GYG1: variants seen among roughly 807,000 people sequenced by gnomAD.
GYG1 encodes the protein glycogenin-1.
In GYG1, 44 loss-of-function variants were observed where a neutral mutation model predicts 41.9. That is an observed-to-expected ratio of 1.05 (90% CI 0.83 to 1.35). The LOEUF is 1.35. GYG1 is among the 40% of genes most tolerant of loss of function. GYG1 has a pLI of 0.00. For missense variants in GYG1, 429 were observed against 418.9 expected (o/e 1.02, Z -0.21); for synonymous variants, 141 against 158.1 (o/e 0.89, Z 0.81).
intron 4 of GYG1, among the ~76,000 whole-genome samples, chr3:148,998,269 C>G (rs1321446172): frequency 1.3e-5 from 2 of 152,156 alleles, no homozygotes; most frequent in Non-Finnish European, 2.9e-5. Flanking sequence ...TTTTATTTCA[C>G]TATTTAGCTT....
chr3:149,018,254 G>C (rs1714181329), intron 5 of GYG1, among the ~76,000 whole-genome samples: 1 of 152,116 alleles, frequency 6.6e-6, no homozygotes, highest in Non-Finnish European at 1.5e-5. Flanking sequence ...TATGAAAACA[G>C]ACTAGTGTTC....
intron 2 of GYG1, among the ~76,000 whole-genome samples, chr3:148,996,029 C>G (rs1245964644): frequency 2.0e-5 from 3 of 152,156 alleles, no homozygotes; most frequent in Non-Finnish European, 2.9e-5. Context: ...ATACAAAAAC[C>G]CAGAAAATGT....
intron 4 of GYG1, among the ~76,000 whole-genome samples, chr3:149,001,953 T>G (rs1007335856): frequency 4.6e-5 from 7 of 152,214 alleles, no homozygotes; most frequent in Non-Finnish European, 1.0e-4. Context: ...TTCCTCATTT[T>G]ACAAATGAAG....
At chr3:149,020,912 A>G (rs760737790) in intron 5 of GYG1, among the ~76,000 whole-genome samples, 6 of 151,768 alleles carry the variant, frequency 4.0e-5, no homozygotes, top group Non-Finnish European at 7.4e-5. Flanking sequence ...ATTCTTATGT[A>G]CTCTGTTTCG....
At chr3:149,006,162 A>C (rs1278728151) in intron 4 of GYG1, among the ~76,000 whole-genome samples, 2 of 146,260 alleles carry the variant, frequency 1.4e-5, no homozygotes, top group Non-Finnish European at 3.0e-5. Context: ...AGCTCACTGC[A>C]ACCTCTGCCT....
intron 3 of GYG1, 67 bp from the exon 4 acceptor site, chr3:148,996,675 G>A (rs1054869624): frequency 6.8e-7 from 1 of 1,462,124 alleles, no homozygotes; most frequent in African/African-American, 1.4e-5. Context: ...GATGACATAG[G>A]AAGAACTCAA....
chr3:149,005,812 A>G lies in GYG1; in HGVS notation c.482-3464A>G, dbSNP rs199654967. Among the ~76,000 whole-genome samples, 16 of 152,336 alleles carry G rather than the reference A, an allele frequency of 1.1e-4. No homozygotes were observed. The East Asian group carries it at 2.1e-3, about 20-fold the overall frequency. On this transcript the variant is annotated intron_variant, in intron 4 of 7. Transcript: ENST00000345003. Reference sequence around the variant, plus strand: ...CAGTTGTAAGAAATAATACAGACAGATCCCACATATGCTTCATCTGTTTTC... The same window carrying G: ...CAGTTGTAAGAAATAATACAGACAGGTCCCACATATGCTTCATCTGTTTTC...
chr3:148,999,947 TTTTAACCTC>T (rs1451445378), intron 4 of GYG1, among the ~76,000 whole-genome samples: 3 of 152,188 alleles, frequency 2.0e-5, no homozygotes, highest in Non-Finnish European at 4.4e-5. Context: ...CAGGTCATGT[TTTTAACCTC>T]TTTCCTGTGT....
chr3:149,029,644 C>CT lies in GYG1; in HGVS notation c.*2713dup, dbSNP rs1714846128. Among the ~76,000 whole-genome samples, 1 of 152,082 alleles carries CT rather than the reference C, an allele frequency of 6.6e-6. No homozygotes were observed. Among genetic ancestry groups the CT allele is most frequent in the Non-Finnish European group, 1.5e-5 (1 of 68,018 alleles). On this transcript the variant is annotated 3_prime_UTR_variant, in exon 8 of 8. Coordinates refer to ENST00000345003, the MANE Select transcript of GYG1 (RefSeq NM_004130.4). Reference sequence around the variant, plus strand: ...CTCATCCAAATGCTAATGCATAAACCTTGACAAGTAGTATAAATAAAACAA... The same window carrying CT: ...CTCATCCAAATGCTAATGCATAAACCTTTGACAAGTAGTATAAATAAAACAA...
chr3:149,025,685 A>C (rs1714613509), intron 6 of GYG1, among the ~76,000 whole-genome samples: 2 of 152,146 alleles, frequency 1.3e-5, no homozygotes, highest in Admixed American at 1.3e-4. Flanking sequence ...TATGTAATAG[A>C]CTAGTCAAGC....
In GYG1 at chr3:148,991,611, G is replaced by A. The variant is rs754116633; in HGVS notation, c.-30G>A. 1.3e-6 allele frequency: 2 copies of A among 1,554,276 alleles called. No individual in the cohort carries two copies. The highest frequency in any genetic ancestry group is 1.2e-5 in the South Asian group (1 of 85,724). On this transcript the variant is annotated 5_prime_UTR_variant, in exon 1 of 8. Transcript: ENST00000345003. ...TTCTCTGAGTCACCAACCTGAGGCT[G>A]CCCCGGCCGCCTGCGCACCCGGCAG...
At chr3:148,991,781 C>T in intron 1 of GYG1, 134 bp downstream of exon 1, 1 of 728,852 alleles carries the variant, frequency 1.4e-6, no homozygotes, top group South Asian at 1.8e-5. Context: ...GCTGGCTGGC[C>T]GCAGCCGGGC....
intron 5 of GYG1, among the ~76,000 whole-genome samples, chr3:149,015,272 G>A (rs1006022897): frequency 3.9e-5 from 6 of 152,182 alleles, no homozygotes; most frequent in African/African-American, 1.4e-4. Flanking sequence ...GCTAAGTAGA[G>A]ATAAAAGTCA....
In GYG1 at chr3:149,027,204, G is replaced by A. The variant is rs1338420373; in HGVS notation, c.*271G>A. The A allele has an allele frequency of 4.1e-6, 2 of 488,470 alleles. No individual in the cohort carries two copies. The highest frequency in any genetic ancestry group is 5.4e-5 in the South Asian group (2 of 37,210). The allele number at this position is 488,470 out of a possible 1,614,324, so 30.3% of individuals were successfully genotyped here. The stretch of plus-strand genomic sequence containing the variant: ...GTTGACTGCCAACATACAAAGTAAG[G>A]GAAACTCAAGATATTAAGATGGCTG... On this transcript the variant is annotated 3_prime_UTR_variant, in exon 8 of 8. Coordinates refer to ENST00000345003, the MANE Select transcript of GYG1 (RefSeq NM_004130.4).
chr3:148,998,635 C>T (rs1712936515), intron 4 of GYG1, among the ~76,000 whole-genome samples: 1 of 151,926 alleles, frequency 6.6e-6, no homozygotes, highest in African/African-American at 2.4e-5. Context: ...GTTAAATGTT[C>T]ACCGTGGTCA....
intron 5 of GYG1, among the ~76,000 whole-genome samples, chr3:149,015,299 G>A (rs1218172487): frequency 6.6e-6 from 1 of 152,148 alleles, no homozygotes; most frequent in East Asian, 1.9e-4. Flanking sequence ...CCAGAGAGAA[G>A]TCTGGAACAT....
At chr3:148,998,347 G>A (rs770929320) in intron 4 of GYG1, among the ~76,000 whole-genome samples, 4 of 152,198 alleles carry the variant, frequency 2.6e-5, no homozygotes, top group Non-Finnish European at 5.9e-5. Flanking sequence ...ATTTGGCAAT[G>A]TCTGGAGACA....
intron 5 of GYG1, among the ~76,000 whole-genome samples, chr3:149,022,310 A>G (rs1161637903): frequency 6.6e-6 from 1 of 152,156 alleles, no homozygotes; most frequent in Non-Finnish European, 1.5e-5. Context: ...AAGAATACAT[A>G]TTTTAAAATG....
rs1714797245 is a variant in GYG1 at position 149,028,887 on chromosome 3, A to G, written c.*1954A>G. Among the ~76,000 whole-genome samples, 2 of 151,800 alleles carry G rather than the reference A, an allele frequency of 1.3e-5. No homozygotes were observed. Among genetic ancestry groups the G allele is most frequent in the Non-Finnish European group, 2.9e-5 (2 of 67,950 alleles). ...AGGCACGCACCACCACGCCCAGCTAAATTTTGTATTTTTAGTAGAGACAGG... is the reference window on the plus strand; with the variant it reads ...AGGCACGCACCACCACGCCCAGCTAGATTTTGTATTTTTAGTAGAGACAGG... On this transcript the variant is annotated 3_prime_UTR_variant, in exon 8 of 8. Transcript: ENST00000345003.
Sources: allele counts gnomAD v4.1 joint callset (sites outside exome capture counted in the v4.1 genomes callset), GRCh38; gene constraint gnomAD v4.1.1; transcripts MANE v1.5; gene names NCBI Gene and HGNC (gene_info 2026-07-23, HGNC 2026-07-21).